RALGPS1: variants seen among roughly 807,000 people sequenced by gnomAD.
RALGPS1 encodes the protein ras-specific guanine nucleotide-releasing factor RalGPS1.
In RALGPS1, 19 loss-of-function variants were observed where a neutral mutation model predicts 78.8. The ratio of observed to expected loss-of-function variants is 0.24; its 90% CI spans 0.17 to 0.35. The LOEUF (loss-of-function observed/expected upper bound fraction) is 0.35, where lower values mean the gene tolerates loss of function less well. RALGPS1 is among the 10% of genes least tolerant of loss of function. The pLI, the probability that RALGPS1 is intolerant of heterozygous loss-of-function variation, is 1.00. For synonymous variants in RALGPS1, 228 were observed against 256.3 expected, an observed-to-expected ratio of 0.89 and a Z score of 1.06; for missense variants, 454 against 688.3, an observed-to-expected ratio of 0.66 and a Z score of 3.81.
chr9:127,191,913 G>A (rs1245587188), intron 11 of RALGPS1, among the ~76,000 whole-genome samples: 2 of 152,052 alleles, frequency 1.3e-5, no homozygotes, highest in Non-Finnish European at 2.9e-5. Context: ...CAGCCAGGAT[G>A]GTCTTGATCT....
intron 8 of RALGPS1, among the ~76,000 whole-genome samples, chr9:127,106,638 G>A (rs2054244023): frequency 6.6e-6 from 1 of 152,196 alleles, no homozygotes; most frequent in Non-Finnish European, 1.5e-5. Flanking sequence ...CAAAGCGCCT[G>A]CTCTCAATCC....
intron 4 of RALGPS1, among the ~76,000 whole-genome samples, chr9:127,015,191 C>T (rs1421434917): frequency 1.3e-5 from 2 of 152,184 alleles, no homozygotes; most frequent in African/African-American, 4.8e-5. Context: ...CCCAGGCTGA[C>T]AGCACTGTGG....
Position 127,166,204 on chromosome 9 carries a change from A to G in RALGPS1, c.746A>G (p.Tyr249Cys), listed in dbSNP as rs1392506891. ...IIADLQVSCS[Y>C]DHLTTLPHVQ... The stretch of plus-strand genomic sequence containing the variant: ...GCTGATTTACAAGTTTCCTGCAGCT[A>G]TGGTTAGTACCCTTGTTGTTAGAAT... Residue 249 changes from tyrosine to cysteine, a missense_variant and splice_region_variant, in exon 9 of 19, where the codon TAT becomes TGT. Coordinates refer to ENST00000259351, the MANE Select transcript of RALGPS1 (RefSeq NM_014636.3). The G allele has an allele frequency of 1.2e-6, 2 of 1,613,186 alleles. No homozygotes were observed. Among genetic ancestry groups the G allele is most frequent in the African/African-American group, 1.3e-5 (1 of 74,880 alleles).
At position 127,222,476 on chromosome 9, in the gene RALGPS1, T is replaced by A. The variant is rs2062797491; in HGVS notation, c.*3707T>A. 1 of 152,250 alleles carries A rather than the reference T, an allele frequency of 6.6e-6. No homozygotes were observed. Among genetic ancestry groups the A allele is most frequent in the Non-Finnish European group, 1.5e-5 (1 of 68,052 alleles). 9.4% of individuals were successfully genotyped at this position (152,250 alleles called of 1,614,324 possible). A position where few individuals can be genotyped will look rare whatever the true frequency, so the allele number is the denominator to read the frequency against. ...CTGCTCCATAGGTTTCTGTTTTTAATTTCAATGTTAAATACAACTACAATA... is the reference window on the plus strand; with the variant it reads ...CTGCTCCATAGGTTTCTGTTTTTAAATTCAATGTTAAATACAACTACAATA... On this transcript the variant is annotated 3_prime_UTR_variant, in exon 19 of 19. Transcript: ENST00000259351.
At chr9:127,207,141 T>C (rs2061977711) in intron 14 of RALGPS1, among the ~76,000 whole-genome samples, 1 of 151,976 alleles carries the variant, frequency 6.6e-6, no homozygotes, top group Admixed American at 6.6e-5. Context: ...TCCTCCCACT[T>C]TTACTGTCAC....
intron 8 of RALGPS1, among the ~76,000 whole-genome samples, chr9:127,156,144 T>TA (rs1435918645): frequency 6.6e-6 from 1 of 152,212 alleles, no homozygotes; most frequent in Admixed American, 6.5e-5. Context: ...ATTTTATCCT[T>TA]ACAATAGCTG....
At chr9:126,975,831 C>T (rs867620482) in intron 3 of RALGPS1, among the ~76,000 whole-genome samples, 70 of 152,106 alleles carry the variant, frequency 4.6e-4, no homozygotes, top group Admixed American at 2.1e-3. Flanking sequence ...AAACTGGAGG[C>T]GGAAGAGCTC....
At chr9:127,184,016 C>A in intron 11 of RALGPS1, 2 of 1,549,662 alleles carry the variant, frequency 1.3e-6, no homozygotes, top group Non-Finnish European at 1.7e-6. Context: ...CTCCCCGTGG[C>A]CTAGGAATCT....
At chr9:126,993,914 A>G (rs916555133) in intron 4 of RALGPS1, among the ~76,000 whole-genome samples, 12 of 152,200 alleles carry the variant, frequency 7.9e-5, no homozygotes, top group African/African-American at 2.7e-4. Flanking sequence ...ACCCAGGCAA[A>G]CAGGGTCTGG....
At chr9:127,075,631 A>G (rs374579227) in intron 8 of RALGPS1, among the ~76,000 whole-genome samples, 9 of 152,258 alleles carry the variant, frequency 5.9e-5, no homozygotes, top group African/African-American at 2.2e-4. Flanking sequence ...AGTCCTCACT[A>G]TAGGTCTTTT....
At chr9:127,159,482 C>T (rs1240187129) in intron 8 of RALGPS1, among the ~76,000 whole-genome samples, 1 of 152,200 alleles carries the variant, frequency 6.6e-6, no homozygotes, top group African/African-American at 2.4e-5. Context: ...TGACCACCTG[C>T]CATGTGACTG....
At chr9:127,137,062 T>G (rs1424295547) in intron 8 of RALGPS1, among the ~76,000 whole-genome samples, 1 of 152,194 alleles carries the variant, frequency 6.6e-6, no homozygotes, top group Non-Finnish European at 1.5e-5. Flanking sequence ...ACCCCACAAT[T>G]AATAGGAATT....
intron 1 of RALGPS1, among the ~76,000 whole-genome samples, chr9:126,939,052 C>T (rs1036522579): frequency 2.0e-5 from 3 of 152,170 alleles, no homozygotes; most frequent in African/African-American, 7.2e-5. Context: ...GTACCTACAG[C>T]GGAGCCACTT....
chr9:127,215,410 C>T (rs1275262833), intron 18 of RALGPS1, among the ~76,000 whole-genome samples: 2 of 152,234 alleles, frequency 1.3e-5, no homozygotes, highest in Non-Finnish European at 2.9e-5. Context: ...CCCAGCCGTC[C>T]CACGAAGGGT....
chr9:127,002,443 T>TC (rs1473022539), intron 4 of RALGPS1, among the ~76,000 whole-genome samples: 3 of 136,942 alleles, frequency 2.2e-5, no homozygotes, highest in African/African-American at 7.5e-5. Context: ...CTTTTTTTTT[T>TC]TTTTCTTTTT....
intron 1 of RALGPS1, among the ~76,000 whole-genome samples, chr9:126,925,051 T>C (rs2035136203): frequency 6.6e-6 from 1 of 151,600 alleles, no homozygotes. Flanking sequence ...CGCTTTAACC[T>C]GGGAGGTGGA....
At chr9:127,042,923 T>C (rs1423072078) in intron 5 of RALGPS1, among the ~76,000 whole-genome samples, 1 of 152,110 alleles carries the variant, frequency 6.6e-6, no homozygotes, top group Non-Finnish European at 1.5e-5. Flanking sequence ...ATTTACAATA[T>C]CACCAAGAAA....
chr9:127,074,960 C>T (rs1003535184), intron 8 of RALGPS1, among the ~76,000 whole-genome samples: 8 of 152,210 alleles, frequency 5.3e-5, no homozygotes, highest in Non-Finnish European at 1.0e-4. Context: ...AATTATTGCT[C>T]CTGTTTCTTG....
intron 4 of RALGPS1, among the ~76,000 whole-genome samples, chr9:127,005,186 G>A (rs1431796588): frequency 1.3e-5 from 2 of 152,188 alleles, no homozygotes; most frequent in African/African-American, 4.8e-5. Flanking sequence ...AAAACTCATT[G>A]CATGAACTGC....
Sources: allele counts gnomAD v4.1 joint callset (sites outside exome capture counted in the v4.1 genomes callset), GRCh38; gene constraint gnomAD v4.1.1; transcripts MANE v1.5; gene names NCBI Gene and HGNC (gene_info 2026-07-23, HGNC 2026-07-21).